COL8A2: variants seen among roughly 807,000 people sequenced by gnomAD.
The protein encoded by COL8A2 is collagen type VIII alpha 2 chain.
COL8A2 carries 16 observed loss-of-function variants against 24.0 expected under a neutral mutation model. That is an observed-to-expected ratio of 0.67 (90% CI 0.45 to 1.01). COL8A2 has a LOEUF of 1.01. Among genes scored for constraint, COL8A2 ranks in the 50% least tolerant of loss-of-function variants. The pLI, the probability that COL8A2 is intolerant of heterozygous loss-of-function variation, is 0.00. For missense variants in COL8A2, 818 were observed against 942.4 expected (o/e 0.87, Z 1.73); for synonymous variants, 466 against 424.5 (o/e 1.10, Z -1.20).
chr1:36,099,202 G>C lies in COL8A2; in HGVS notation c.479C>G (p.Pro160Arg). 1 of 1,523,156 alleles carries C rather than the reference G, an allele frequency of 6.6e-7. No homozygotes were observed. The highest frequency in any genetic ancestry group is 1.4e-5 in the African/African-American group (1 of 71,724). The allele number at this position is 1,523,156 out of a possible 1,614,324, so 94.4% of individuals were successfully genotyped here. A position where few individuals can be genotyped will look rare whatever the true frequency, so the allele number is the denominator to read the frequency against. ...GDQGLRGPPG[P>R]PGLPGPSGIT... ...GCCTGAGGGGCCCGGGAGGCCAGGG[G>C]GTCCTGGGGGTCCCCGGAGGCCCTG... Residue 160 changes from proline (P) to arginine (R), a missense_variant, in exon 4 of 4, where the codon CCC (proline) becomes CGC (arginine). Coordinates refer to ENST00000397799, the MANE Select transcript of COL8A2 (RefSeq NM_005202.4).
intron 2 of COL8A2, among the ~76,000 whole-genome samples, chr1:36,110,580 C>G (rs1643826590): frequency 6.6e-6 from 1 of 152,134 alleles, no homozygotes; most frequent in African/African-American, 2.4e-5. Context: ...GCCTCCACCT[C>G]CTGAGTGTAA....
At chr1:36,108,080 C>A (rs1643786597) in intron 2 of COL8A2, among the ~76,000 whole-genome samples, 1 of 152,192 alleles carries the variant, frequency 6.6e-6, no homozygotes, top group African/African-American at 2.4e-5. Flanking sequence ...AAAGGACACA[C>A]CAATAACACA....
intron 2 of COL8A2, among the ~76,000 whole-genome samples, chr1:36,110,833 C>T (rs1425550142): frequency 6.6e-6 from 1 of 151,540 alleles, no homozygotes; most frequent in African/African-American, 2.4e-5. Flanking sequence ...GCTTTCTTGA[C>T]CTTTTCCCCA....
At chr1:36,120,333 A>G (rs1643901460) in intron 1 of COL8A2, among the ~76,000 whole-genome samples, 1 of 152,012 alleles carries the variant, frequency 6.6e-6, no homozygotes, top group African/African-American at 2.4e-5. Context: ...CACATCTGTA[A>G]TCCCAGCTAC....
intron 3 of COL8A2, 141 bp from the exon 4 acceptor site, chr1:36,099,628 G>C: frequency 1.4e-6 from 1 of 711,408 alleles, no homozygotes. Context: ...TGGAAGATGG[G>C]GTTTGGGGGT....
intron 1 of COL8A2, among the ~76,000 whole-genome samples, chr1:36,116,502 G>A (rs1301136055): frequency 6.6e-6 from 1 of 152,210 alleles, no homozygotes; most frequent in Non-Finnish European, 1.5e-5. Flanking sequence ...CCACAGAAAT[G>A]GTTCAACCCC....
rs778915340 is a variant in COL8A2 at position 36,099,098 on chromosome 1, C to T, written c.583G>A (p.Glu195Lys). 1.3e-6 allele frequency: 2 copies of T among 1,506,408 alleles called. No homozygotes were observed. Among genetic ancestry groups the T allele is most frequent in the Non-Finnish European group, 1.8e-6 (2 of 1,128,606 alleles). 93.3% of individuals were successfully genotyped at this position (1,506,408 alleles called of 1,614,324 possible). A position where few individuals can be genotyped will look rare whatever the true frequency, so the allele number is the denominator to read the frequency against. Reference protein sequence around the residue: ...GFQGEPGPQGEPGPPGDRGLK... With the variant: ...GFQGEPGPQGKPGPPGDRGLK... ...CCTCGATCACCTGGGGGCCCAGGCTCCCCCTGGGGCCCTGGTTCCCCCTGG... is the reference window on the plus strand; with the variant it reads ...CCTCGATCACCTGGGGGCCCAGGCTTCCCCTGGGGCCCTGGTTCCCCCTGG... Residue 195 changes from glutamate to lysine, a missense_variant, in exon 4 of 4, where the codon GAG becomes AAG. Around this residue, in one of 3 missense-constraint regions of COL8A2, gnomAD observed 573 missense variants for 616.8 expected, o/e 0.93. Transcript: ENST00000397799.
Position 36,115,763 on chromosome 1 carries a change from A to G in COL8A2, c.-61-11T>C, listed in dbSNP as rs1643876050. 1.0e-6 allele frequency: 1 copy of G among 985,256 alleles called. No homozygotes were observed. The highest frequency in any genetic ancestry group is 4.7e-5 in the South Asian group (1 of 21,290). The allele number at this position is 985,256 out of a possible 1,614,324, so 61.0% of individuals were successfully genotyped here. ...CAGCAGAGGCAGGGCCTGAGGATGAACAAGAGAAACAGTGAGGCTATGGGG... is the reference window on the plus strand; with the variant it reads ...CAGCAGAGGCAGGGCCTGAGGATGAGCAAGAGAAACAGTGAGGCTATGGGG... On this transcript the variant is annotated splice_polypyrimidine_tract_variant and intron_variant, in intron 1 of 3. Transcript: ENST00000397799. This position sits in a 1 kb window ranked among gnomAD's most constrained non-coding sequence, Gnocchi z 5.7.
At chr1:36,119,387 C>T (rs1172225501) in intron 1 of COL8A2, among the ~76,000 whole-genome samples, 1 of 152,122 alleles carries the variant, frequency 6.6e-6, no homozygotes, top group Non-Finnish European at 1.5e-5. Context: ...CAGAGCTTGG[C>T]CCCAAGCTAA....
rs577473594 is a variant in COL8A2 at position 36,107,176 on chromosome 1, G to A, written c.-16-6918C>T. ...CCCAGCACTTTCGGGAGGCTGCGAC[G>A]GGAGGATCACTTGAGCTCAGGAGTT... On this transcript the variant is annotated intron_variant, in intron 2 of 3. Transcript: ENST00000397799. Among the ~76,000 whole-genome samples the A allele has an allele frequency of 4.6e-5, 7 of 152,280 alleles. No homozygotes were observed. The East Asian group carries it at 5.8e-4, about 13-fold the overall frequency.
chr1:36,098,462 C>T lies in COL8A2; in HGVS notation c.1219G>A (p.Val407Ile), dbSNP rs1362648103. 2.5e-6 allele frequency: 4 copies of T among 1,575,298 alleles called. No homozygotes were observed. The highest frequency in any genetic ancestry group is 3.4e-6 in the Non-Finnish European group (4 of 1,160,882). ...CCAGGAAGTCCCCTCTCACCTGGGA[C>T]CCCTGGTTTCCCAGCCAGGCCACTA... ...GPSGLAGKPG[V>I]PGERGLPGAH... Residue 407 changes from valine (V) to isoleucine (I), a missense_variant, in exon 4 of 4, where the codon GTC becomes ATC. Val to Ile is a conservative substitution (Grantham distance 29, BLOSUM62 3). Coordinates refer to ENST00000397799, the MANE Select transcript of COL8A2 (RefSeq NM_005202.4).
In COL8A2 at chr1:36,098,920, G is replaced by A; in HGVS notation, c.761C>T (p.Ser254Phe). ...LPGAPGDKGE[S>F]GPPGVPGPRG... Reference sequence around the variant, plus strand: ...GGGGCCTGGAACTCCAGGAGGCCCAGACTCACCCTTGTCTCCTGGGGCCCC... The same window carrying A: ...GGGGCCTGGAACTCCAGGAGGCCCAAACTCACCCTTGTCTCCTGGGGCCCC... The change falls in exon 4 of 4, where the codon TCT becomes TTT. Residue 254 changes from serine (S) to phenylalanine (F), a missense_variant. Coordinates refer to ENST00000397799, the MANE Select transcript of COL8A2 (RefSeq NM_005202.4). The A allele has an allele frequency of 6.2e-7, 1 of 1,611,158 alleles. No homozygotes were observed. Among genetic ancestry groups the A allele is most frequent in the Non-Finnish European group, 8.5e-7 (1 of 1,179,144 alleles).
Position 36,099,341 on chromosome 1 carries a change from C to T in COL8A2, c.340G>A (p.Ala114Thr), listed in dbSNP as rs1357823804. 4.4e-6 allele frequency: 7 copies of T among 1,580,804 alleles called. No homozygotes were observed. The highest frequency in any genetic ancestry group is 1.2e-5 in the South Asian group (1 of 86,896). The change falls in exon 4 of 4, where the codon GCT (alanine) becomes ACT (threonine). Residue 114 changes from alanine to threonine, a missense_variant. Physicochemically the swap from Ala to Thr is moderately conservative, Grantham distance 58. Coordinates refer to ENST00000397799, the MANE Select transcript of COL8A2 (RefSeq NM_005202.4). ...ATCCGGGAGAAGCCAGGGGGCCCAG[C>T]AGGGCCAGGCTGCCCATGGAGTCCT... ...KPGLHGQPGP[A>T]GPPGFSRMGK...
intron 2 of COL8A2, among the ~76,000 whole-genome samples, chr1:36,106,925 TCG>T (rs1054045486): frequency 1.3e-5 from 2 of 151,808 alleles, no homozygotes; most frequent in Non-Finnish European, 2.9e-5. Context: ...CAAAGAGGTG[TCG>T]CCATGAGTGA....
intron 2 of COL8A2, among the ~76,000 whole-genome samples, chr1:36,113,632 G>C (rs1391225370): frequency 6.6e-6 from 1 of 152,250 alleles, no homozygotes; most frequent in African/African-American, 2.4e-5. Context: ...GAATCTGGGA[G>C]CTGGAGGGTG....
intron 3 of COL8A2, among the ~76,000 whole-genome samples, chr1:36,099,830 C>T (rs960626606): frequency 1.3e-5 from 2 of 152,196 alleles, no homozygotes; most frequent in African/African-American, 4.8e-5. Context: ...AGCCCCACCT[C>T]CCAACTTCCC....
chr1:36,104,656 G>T (rs1012785673), intron 2 of COL8A2, among the ~76,000 whole-genome samples: 1 of 151,932 alleles, frequency 6.6e-6, no homozygotes, highest in Non-Finnish European at 1.5e-5. Flanking sequence ...TTAGCCGGGT[G>T]TGGTGGCACT....
intron 2 of COL8A2, among the ~76,000 whole-genome samples, chr1:36,114,415 G>A (rs1393218644): frequency 1.3e-5 from 2 of 151,842 alleles, no homozygotes; most frequent in Admixed American, 6.6e-5. Context: ...TACATTTAGG[G>A]AGTGAGTGGA....
At chr1:36,100,477 G>A (rs902078076) in intron 2 of COL8A2, among the ~76,000 whole-genome samples, 2 of 152,174 alleles carry the variant, frequency 1.3e-5, no homozygotes, top group Non-Finnish European at 2.9e-5. Context: ...GCCTGTGGCT[G>A]TTCATCACCC....
Sources: gnomAD v4.1 joint callset for allele counts (sites outside exome capture counted in the v4.1 genomes callset) on GRCh38, gnomAD v4.1.1 for gene constraint, gnomAD v4.1.1 regional missense constraint, Gnocchi (gnomAD v3.1) non-coding constraint, MANE v1.5 for transcripts, NCBI Gene and HGNC (gene_info 2026-07-23, HGNC 2026-07-21) for gene names.